The following ZNF138 variants were observed in gnomAD, a reference collection of about 807,000 sequenced individuals.
ZNF138 encodes the protein zinc finger protein 138.
ZNF138 carries 33 observed loss-of-function variants against 33.0 expected under a neutral mutation model. The ratio of observed to expected loss-of-function variants is 1.00; its 90% CI spans 0.76 to 1.34. The LOEUF is 1.34. ZNF138 is among the 40% of genes most tolerant of loss of function. The pLI, the probability that ZNF138 is intolerant of heterozygous loss-of-function variation, is 0.00. For missense variants in ZNF138, 360 were observed against 370.8 expected (o/e 0.97, Z 0.24); for synonymous variants, 139 against 120.4 (o/e 1.15, Z -1.01).
chr7:64,834,028 T>C (rs1303633071), downstream of ZNF138, among the ~76,000 whole-genome samples: 2 of 152,180 alleles, frequency 1.3e-5, no homozygotes, highest in Non-Finnish European at 2.9e-5. Flanking sequence ...TCCCAGCCAA[T>C]ATAAGCCTTT....
chr7:64,835,109 T>G (rs1033331037), downstream of ZNF138, among the ~76,000 whole-genome samples: 3 of 151,988 alleles, frequency 2.0e-5, no homozygotes, highest in African/African-American at 4.8e-5. Flanking sequence ...CACTTCTGAG[T>G]GTGACACGCC....
chr7:64,836,769 G>GT (rs1439111286), downstream of ZNF138: 3 of 152,214 alleles, frequency 2.0e-5, no homozygotes, highest in Non-Finnish European at 4.4e-5. Flanking sequence ...AAAGTGCAGG[G>GT]TTTTTTCTAG....
the ZNF138 span, chr7:64,853,069 G>A: frequency 6.2e-5 from 89 of 1,433,230 alleles, 1 homozygote; most frequent in South Asian, 6.5e-4. Flanking sequence ...TGCCTGTCAC[G>A]TAAGAGTCGT....
chr7:64,844,789 T>C, the ZNF138 span, among the ~76,000 whole-genome samples: 142,743 of 152,120 alleles, frequency 0.94, 67,592 homozygotes, highest in Non-Finnish European at 1. Context: ...CGGGTTCAAG[T>C]GATTCTCCTG....
At chr7:64,799,574 A>C (rs1365298130) in intron 1 of ZNF138, among the ~76,000 whole-genome samples, 1 of 152,098 alleles carries the variant, frequency 6.6e-6, no homozygotes, top group Non-Finnish European at 1.5e-5. Context: ...CACTTGCCTG[A>C]TCAGCTGTAT....
chr7:64,849,476 C>G, the ZNF138 span, among the ~76,000 whole-genome samples: 1 of 151,972 alleles, frequency 6.6e-6, no homozygotes, highest in Non-Finnish European at 1.5e-5. Context: ...TAGGGAGAAT[C>G]AGGTGGTGAG....
At chr7:64,841,955 A>G in the ZNF138 span, among the ~76,000 whole-genome samples, 1 of 152,238 alleles carries the variant, frequency 6.6e-6, no homozygotes, top group Non-Finnish European at 1.5e-5. Context: ...TCTTACACAG[A>G]GTGTGACACA....
chr7:64,832,147 C>T lies in ZNF138; in HGVS notation c.905C>T (p.Thr302Ile). The change falls in exon 4 of 4, where the codon ACT becomes ATT. Residue 302 changes from threonine to isoleucine, a missense_variant. Thr to Ile is a moderately conservative substitution (Grantham distance 89). Transcript: ENST00000307355. ...PTLTKHQIIYTGEEPYKCEEC... is the reference protein window; with the variant it reads ...PTLTKHQIIYIGEEPYKCEEC... Reference sequence around the variant, plus strand: ...CTTACTAAACATCAGATAATTTATACTGGAGAGGAACCATACAAATGTGAG... The same window carrying T: ...CTTACTAAACATCAGATAATTTATATTGGAGAGGAACCATACAAATGTGAG... 1 of 1,612,056 alleles carries T rather than the reference C, an allele frequency of 6.2e-7. No individual in the cohort carries two copies. The highest frequency in any genetic ancestry group is 8.5e-7 in the Non-Finnish European group (1 of 1,179,550).
chr7:64,802,607 T>A (rs1035039681), intron 1 of ZNF138, among the ~76,000 whole-genome samples: 1 of 151,788 alleles, frequency 6.6e-6, no homozygotes, highest in East Asian at 1.9e-4. Context: ...ATAAAACCCA[T>A]CTGATGAGAA....
chr7:64,805,731 C>A (rs1583795836), intron 1 of ZNF138, among the ~76,000 whole-genome samples: 2 of 152,350 alleles, frequency 1.3e-5, no homozygotes, highest in African/African-American at 4.8e-5. Context: ...ATAGCACCCT[C>A]TTCAACCATT....
chr7:64,828,772 C>T lies in ZNF138; in HGVS notation c.209-2679C>T, dbSNP rs181659519. 6.4e-3 allele frequency among the ~76,000 whole-genome samples: 499 copies of T among 77,740 alleles called. 6 individuals are homozygous for T. The highest frequency in any genetic ancestry group is 0.022 in the African/African-American group (468 of 21,392). The allele number at this position is 77,740 out of a possible 152,430, so 51.0% of individuals were successfully genotyped here. A position where few individuals can be genotyped will look rare whatever the true frequency, so the allele number is the denominator to read the frequency against. On this transcript the variant is annotated intron_variant, in intron 3 of 3. Coordinates refer to ENST00000307355, the MANE Select transcript of ZNF138 (RefSeq NM_001271639.2). ...TTGAAATCAGAAACTGTTCTGCCTC[C>T]GACATTGTTCCTTTTTTTTTTTGAA...
At chr7:64,818,609 G>A (rs541540144) in intron 3 of ZNF138, among the ~76,000 whole-genome samples, 1 of 151,906 alleles carries the variant, frequency 6.6e-6, no homozygotes, top group South Asian at 2.1e-4. Flanking sequence ...AATTAGCTGC[G>A]CATGGTGTCG....
At chr7:64,823,077 T>C (rs1336999375) in intron 3 of ZNF138, among the ~76,000 whole-genome samples, 1 of 151,732 alleles carries the variant, frequency 6.6e-6, no homozygotes, top group Non-Finnish European at 1.5e-5. Flanking sequence ...ACGGGGTTTC[T>C]CCATGTTGGT....
the ZNF138 span, among the ~76,000 whole-genome samples, chr7:64,843,644 TTC>T: frequency 2.6e-5 from 4 of 152,118 alleles, no homozygotes; most frequent in Admixed American, 2.6e-4. Context: ...TCATTTGAGT[TTC>T]TTATATATTT....
At chr7:64,852,715 C>T in the ZNF138 span, 1 of 1,142,028 alleles carries the variant, frequency 8.8e-7, no homozygotes, top group East Asian at 2.3e-5. Flanking sequence ...TAGGAATATC[C>T]AGCCACTGAT....
rs754489795 is a variant in ZNF138, at chr7:64,813,432, AATG to A, written c.4-1483_4-1481del. On this transcript the variant is annotated intron_variant, in intron 1 of 3. Coordinates refer to ENST00000307355, the MANE Select transcript of ZNF138 (RefSeq NM_001271639.2). Reference sequence around the variant, plus strand: ...ACCTGTATCTTAAAGTTTGCATAAAAATGATTTTTTTTTTTTTTTTTAATGGAG... The same window carrying A: ...ACCTGTATCTTAAAGTTTGCATAAAAATTTTTTTTTTTTTTTTTAATGGAG... Among the ~76,000 whole-genome samples the A allele has an allele frequency of 4.5e-3, 346 of 77,680 alleles. 5 individuals are homozygous for A. The highest frequency in any genetic ancestry group is 0.018 in the Middle Eastern group (2 of 110). 51.0% of individuals were successfully genotyped at this position (77,680 alleles called of 152,430 possible).
At chr7:64,843,987 C>A in the ZNF138 span, among the ~76,000 whole-genome samples, 1 of 152,080 alleles carries the variant, frequency 6.6e-6, no homozygotes, top group Non-Finnish European at 1.5e-5. Context: ...CCATGCCCAG[C>A]TAATTTTTGT....
In ZNF138 at chr7:64,814,016, A is replaced by G. The variant is rs546469494; in HGVS notation, c.4-902A>G. ...TTTCTATCTTAGGTTTCCTTTGCAT[A>G]TATCTGTCTTTGGAAAATCAAGGCT... On this transcript the variant is annotated intron_variant, in intron 1 of 3. Coordinates refer to ENST00000307355, the MANE Select transcript of ZNF138 (RefSeq NM_001271639.2). The G allele has an allele frequency of 8.5e-6, 10 of 1,182,330 alleles. No homozygotes were observed. The East Asian group carries it at 2.7e-4, about 32-fold the overall frequency. 73.2% of individuals were successfully genotyped at this position (1,182,330 alleles called of 1,614,324 possible). A position where few individuals can be genotyped will look rare whatever the true frequency, so the allele number is the denominator to read the frequency against.
chr7:64,835,103 T>A (rs1351911540), downstream of ZNF138, among the ~76,000 whole-genome samples: 1 of 152,110 alleles, frequency 6.6e-6, no homozygotes, highest in East Asian at 1.9e-4. Flanking sequence ...GTTTCACACT[T>A]CTGAGTGTGA....
Sources: gnomAD v4.1 joint callset for allele counts (sites outside exome capture counted in the v4.1 genomes callset) on GRCh38, gnomAD v4.1.1 for gene constraint, MANE v1.5 for transcripts, NCBI Gene and HGNC (gene_info 2026-07-23, HGNC 2026-07-21) for gene names.